Variants in NKAIN2 observed in about 807,000 individuals in gnomAD.
NKAIN2 encodes sodium/potassium transporting ATPase interacting 2.
NKAIN2 carries 14 observed loss-of-function variants against 32.6 expected under a neutral mutation model. That is an observed-to-expected ratio of 0.43 (90% confidence interval 0.28 to 0.67). The LOEUF (loss-of-function observed/expected upper bound fraction) is 0.67. Among genes scored for constraint, NKAIN2 ranks in the 30% least tolerant of loss-of-function variants. NKAIN2 has a pLI of 0.17. For missense variants in NKAIN2, 198 were observed against 258.3 expected, an observed-to-expected ratio of 0.77 and a Z score of 1.60; for synonymous variants, 80 against 87.2, an observed-to-expected ratio of 0.92 and a Z score of 0.46.
intron 2 of NKAIN2, among the ~76,000 whole-genome samples, chr6:124,310,434 A>G (rs1796667225): frequency 6.6e-6 from 1 of 152,120 alleles, no homozygotes; most frequent in Non-Finnish European, 1.5e-5. Context: ...TTTGAAATGC[A>G]TTACATGTTT....
intron 1 of NKAIN2, among the ~76,000 whole-genome samples, chr6:124,083,674 GA>G (rs1159378057): frequency 6.6e-6 from 1 of 151,858 alleles, no homozygotes; most frequent in Non-Finnish European, 1.5e-5. Context: ...ATTCAGATTA[GA>G]ACCAGTTCTC....
intron 2 of NKAIN2, among the ~76,000 whole-genome samples, chr6:124,344,983 C>A (rs1048835505): frequency 7.2e-5 from 11 of 152,002 alleles, no homozygotes; most frequent in Non-Finnish European, 1.6e-4. Context: ...CATAGATAGC[C>A]CTTATTATTT....
chr6:124,332,560 C>T (rs1044409971), intron 2 of NKAIN2, among the ~76,000 whole-genome samples: 5 of 151,868 alleles, frequency 3.3e-5, no homozygotes, highest in African/African-American at 1.2e-4. Flanking sequence ...TACTTGATGG[C>T]CATTAGAGGG....
intron 3 of NKAIN2, among the ~76,000 whole-genome samples, chr6:124,566,751 G>A (rs761366722): frequency 2.6e-5 from 4 of 152,032 alleles, no homozygotes; most frequent in African/African-American, 4.8e-5. Context: ...AAACTAAGAT[G>A]AGCTCCTAGG....
At chr6:124,663,014 T>C (rs935270480) in intron 4 of NKAIN2, among the ~76,000 whole-genome samples, 3 of 152,196 alleles carry the variant, frequency 2.0e-5, no homozygotes, top group African/African-American at 7.2e-5. Context: ...GTGGTTGCCA[T>C]GGCCATGGGA....
chr6:124,113,068 G>T (rs1221765255), intron 1 of NKAIN2, among the ~76,000 whole-genome samples: 1 of 151,876 alleles, frequency 6.6e-6, no homozygotes. Flanking sequence ...ATCTTAGTCG[G>T]ATTCTTCATT....
At chr6:123,893,577 TA>T (rs1166257661) in intron 1 of NKAIN2, among the ~76,000 whole-genome samples, 2 of 152,218 alleles carry the variant, frequency 1.3e-5, no homozygotes, top group Admixed American at 1.3e-4. Flanking sequence ...TTTAAAGGAT[TA>T]GGCCATTGAG....
intron 3 of NKAIN2, among the ~76,000 whole-genome samples, chr6:124,597,836 A>G (rs1018235561): frequency 6.6e-6 from 1 of 152,186 alleles, no homozygotes; most frequent in Non-Finnish European, 1.5e-5. Flanking sequence ...TCATTTGATT[A>G]AAACCATTCT....
At chr6:124,659,228 GGATGTGCAATT>G (rs1784655499) in intron 4 of NKAIN2, among the ~76,000 whole-genome samples, 1 of 152,060 alleles carries the variant, frequency 6.6e-6, no homozygotes. Flanking sequence ...GATTCTATGT[GGATGTGCAATT>G]GATGTGCATA....
chr6:124,454,575 G>A (rs1376898236), intron 3 of NKAIN2, among the ~76,000 whole-genome samples: 1 of 152,030 alleles, frequency 6.6e-6, no homozygotes, highest in East Asian at 1.9e-4. Context: ...GAGCAAAGAT[G>A]AAAGGTCTTC....
chr6:124,309,935 A>C (rs1796648595), intron 2 of NKAIN2, among the ~76,000 whole-genome samples: 1 of 151,082 alleles, frequency 6.6e-6, no homozygotes, highest in Admixed American at 6.6e-5. Context: ...CTTCATTCTC[A>C]CTCTTGGGAC....
At chr6:124,721,403 C>T in intron 4 of NKAIN2, among the ~76,000 whole-genome samples, 1 of 101,772 alleles carries the variant, frequency 9.8e-6, no homozygotes, top group East Asian at 3.0e-4. Flanking sequence ...GACTCCGTCT[C>T]AAAAAAAAAA....
intron 1 of NKAIN2, among the ~76,000 whole-genome samples, chr6:124,030,288 C>T (rs923367481): frequency 2.6e-5 from 4 of 152,150 alleles, no homozygotes; most frequent in African/African-American, 9.7e-5. Flanking sequence ...AAACCATCCT[C>T]ACACCCCCAC....
intron 1 of NKAIN2, among the ~76,000 whole-genome samples, chr6:124,070,971 C>T (rs971190712): frequency 1.3e-5 from 2 of 152,168 alleles, no homozygotes; most frequent in Admixed American, 1.3e-4. Context: ...TACACACTGC[C>T]TTTGCCTCAT....
At chr6:124,528,049 T>C (rs1028189070) in intron 3 of NKAIN2, among the ~76,000 whole-genome samples, 1 of 152,078 alleles carries the variant, frequency 6.6e-6, no homozygotes, top group African/African-American at 2.4e-5. Flanking sequence ...TATCTGAAGG[T>C]CCTTGGTGAT....
intron 1 of NKAIN2, among the ~76,000 whole-genome samples, chr6:123,995,254 TTG>T (rs1172935700): frequency 6.6e-6 from 1 of 152,164 alleles, no homozygotes; most frequent in East Asian, 1.9e-4. Flanking sequence ...AGGACGAGCC[TTG>T]TTGGTGACAA....
At chr6:123,913,899 TGAA>T (rs1775348870) in intron 1 of NKAIN2, among the ~76,000 whole-genome samples, 2 of 152,190 alleles carry the variant, frequency 1.3e-5, no homozygotes, top group South Asian at 4.1e-4. Context: ...ATCTTTTAAA[TGAA>T]GAGTTTACAA....
intron 1 of NKAIN2, among the ~76,000 whole-genome samples, chr6:123,939,295 T>C (rs1423122922): frequency 1.3e-5 from 2 of 151,850 alleles, no homozygotes; most frequent in African/African-American, 2.4e-5. Flanking sequence ...TCAATATACA[T>C]ACCAAGTGTT....
chr6:123,839,426 T>C (rs1562211288), intron 1 of NKAIN2, among the ~76,000 whole-genome samples: 1 of 152,182 alleles, frequency 6.6e-6, no homozygotes, highest in African/African-American at 2.4e-5. Flanking sequence ...TTTAGATGCT[T>C]AAGTGTGTCT....
Sources: allele counts gnomAD v4.1 joint callset (sites outside exome capture counted in the v4.1 genomes callset), GRCh38; gene constraint gnomAD v4.1.1; transcripts MANE v1.5; gene names NCBI Gene and HGNC (gene_info 2026-07-23, HGNC 2026-07-21).